Variants in ELOC observed in about 807,000 individuals in gnomAD.
The protein encoded by ELOC is elongin-C.
For missense variants in ELOC, 38 were observed against 139.0 expected, an observed-to-expected ratio of 0.27 and a Z score of 3.65; for synonymous variants, 40 against 51.3, an observed-to-expected ratio of 0.78 and a Z score of 0.94.
At chr8:73,958,323 G>T (rs1319626877) in intron 2 of ELOC, among the ~76,000 whole-genome samples, 1 of 151,982 alleles carries the variant, frequency 6.6e-6, no homozygotes, top group African/African-American at 2.4e-5. Flanking sequence ...ATTCATCTAT[G>T]TTATGTCATC....
At chr8:73,967,267 T>C (rs1190180751) in intron 1 of ELOC, among the ~76,000 whole-genome samples, 1 of 152,026 alleles carries the variant, frequency 6.6e-6, no homozygotes, top group Non-Finnish European at 1.5e-5. Context: ...ACATTTTTAG[T>C]GTGGGGGTTG....
chr8:73,956,889 C>T (rs914303393), intron 2 of ELOC, among the ~76,000 whole-genome samples: 1 of 152,130 alleles, frequency 6.6e-6, no homozygotes, highest in African/African-American at 2.4e-5. Context: ...TGGCTCACAT[C>T]CCAGCACTTT....
At chr8:73,965,604 T>C (rs953168561) in intron 1 of ELOC, among the ~76,000 whole-genome samples, 2 of 152,218 alleles carry the variant, frequency 1.3e-5, no homozygotes, top group Admixed American at 6.5e-5. Context: ...AGCAGGTGAT[T>C]AGAGAGGAAC....
At chr8:73,953,475 G>A (rs1355659841) in intron 3 of ELOC, among the ~76,000 whole-genome samples, 1 of 151,780 alleles carries the variant, frequency 6.6e-6, no homozygotes, top group Non-Finnish European at 1.5e-5. Flanking sequence ...CCGGGAATTC[G>A]AGACCAGCCT....
chr8:73,952,605 C>T (rs1813852890), intron 3 of ELOC, among the ~76,000 whole-genome samples: 1 of 150,798 alleles, frequency 6.6e-6, no homozygotes, highest in South Asian at 2.1e-4. Context: ...ACAGTGAAAC[C>T]CCGTCTCTAC....
intron 3 of ELOC, among the ~76,000 whole-genome samples, chr8:73,949,562 C>T (rs922459433): frequency 6.6e-6 from 1 of 152,176 alleles, no homozygotes; most frequent in Non-Finnish European, 1.5e-5. Flanking sequence ...CCTCATCTTC[C>T]CCATCCCCCC....
intron 3 of ELOC, among the ~76,000 whole-genome samples, chr8:73,948,835 A>ACAAGCAAGCAAG (rs149713108): frequency 0.019 from 2,877 of 150,364 alleles, 31 homozygotes; most frequent in Middle Eastern, 0.058. Context: ...CCTGTCACTC[A>ACAAGCAAGCAAG]CAAGCAAGCA....
chr8:73,961,481 G>C (rs1355991470), intron 1 of ELOC, among the ~76,000 whole-genome samples: 1 of 152,120 alleles, frequency 6.6e-6, no homozygotes, highest in African/African-American at 2.4e-5. Flanking sequence ...ACACTTGCTA[G>C]GCATGGAGAC....
At chr8:73,967,160 G>A (rs917770611) in intron 1 of ELOC, among the ~76,000 whole-genome samples, 1 of 152,064 alleles carries the variant, frequency 6.6e-6, no homozygotes, top group Non-Finnish European at 1.5e-5. Flanking sequence ...TATGTATCAA[G>A]GGCCTACCAT....
intron 3 of ELOC, among the ~76,000 whole-genome samples, chr8:73,948,000 C>T (rs1813496552): frequency 6.6e-6 from 1 of 151,962 alleles, no homozygotes; most frequent in African/African-American, 2.4e-5. Context: ...CGAGAGCAGC[C>T]TGACTAACAT....
intron 3 of ELOC, among the ~76,000 whole-genome samples, chr8:73,947,442 T>C (rs1321117867): frequency 6.6e-6 from 1 of 152,120 alleles, no homozygotes; most frequent in Non-Finnish European, 1.5e-5. Context: ...TGTGAGAAAA[T>C]AAAGTTCTGT....
intron 2 of ELOC, among the ~76,000 whole-genome samples, chr8:73,959,332 C>T (rs1442573933): frequency 6.6e-6 from 1 of 152,208 alleles, no homozygotes; most frequent in Non-Finnish European, 1.5e-5. Flanking sequence ...GTCTCAGCCT[C>T]CCAGGCAGCT....
At position 73,953,272 on chromosome 8, in the gene ELOC, C is replaced by T. The variant is rs550920213; in HGVS notation, c.148+2639G>A. ...GGTGAGTGGAGACTGTGCCACTGCA[C>T]TCTAGCCTGCGTAACAGAGTGAGAC... On this transcript the variant is annotated intron_variant, in intron 3 of 3. Transcript: ENST00000520242. Among the ~76,000 whole-genome samples, 13 of 152,128 alleles carry T rather than the reference C, an allele frequency of 8.5e-5. No individual in the cohort carries two copies. The South Asian group carries it at 2.5e-3, about 29-fold the overall frequency.
chr8:73,951,456 A>T (rs990128147), intron 3 of ELOC, among the ~76,000 whole-genome samples: 6 of 152,126 alleles, frequency 3.9e-5, no homozygotes, highest in Admixed American at 3.9e-4. Context: ...GCTTGAGGCC[A>T]GGAGTTCAAG....
Position 73,946,819 on chromosome 8 carries a change from A to G in ELOC, c.150T>C (p.Gly50=). 1 of 1,605,712 alleles carries G rather than the reference A, an allele frequency of 6.2e-7. No homozygotes were observed. The highest frequency in any genetic ancestry group is 8.5e-7 in the Non-Finnish European group (1 of 1,175,098). The change falls in exon 4 of 4, where the codon GGT becomes GGC. Residue 50 remains glycine (G), a splice_region_variant and synonymous_variant. Coordinates refer to ENST00000520242, the MANE Select transcript of ELOC (RefSeq NM_005648.4). ...CATTGGTTTCGTTCTCAGCAAACTG[A>G]CCTGTAAAACAAAAGAATTATGTAT... The part of the protein sequence containing the change: ...GTIKAMLSGP[G]QFAENETNEV...
chr8:73,962,816 G>A, intron 1 of ELOC, among the ~76,000 whole-genome samples: 1 of 152,142 alleles, frequency 6.6e-6, no homozygotes, highest in Non-Finnish European at 1.5e-5. Flanking sequence ...GAGAAGAGGA[G>A]ACCCACCCTT....
intron 3 of ELOC, among the ~76,000 whole-genome samples, chr8:73,947,567 T>C (rs1390205204): frequency 6.6e-6 from 1 of 152,126 alleles, no homozygotes; most frequent in Admixed American, 6.6e-5. Context: ...TTTTTAGTAT[T>C]AACCTAAGTT....
chr8:73,968,983 A>C (rs1451816669), intron 1 of ELOC, among the ~76,000 whole-genome samples: 1 of 152,198 alleles, frequency 6.6e-6, no homozygotes, highest in East Asian at 1.9e-4. Context: ...TCCTCTTCTA[A>C]CTGGAGTGCT....
At chr8:73,971,046 A>AAAAAAAAAAAAAG (rs1009857839) in intron 1 of ELOC, among the ~76,000 whole-genome samples, 5 of 149,768 alleles carry the variant, frequency 3.3e-5, no homozygotes, top group African/African-American at 9.9e-5. Context: ...AAAAAAAAAA[A>AAAAAAAAAAAAAG]AAAAAGAAAA....
Sources: allele counts gnomAD v4.1 joint callset (sites outside exome capture counted in the v4.1 genomes callset), GRCh38; gene constraint gnomAD v4.1.1; transcripts MANE v1.5; gene names NCBI Gene and HGNC (gene_info 2026-07-23, HGNC 2026-07-21).